The following ZNF536 variants were observed in gnomAD, a reference collection of about 807,000 sequenced individuals.
ZNF536 encodes the protein zinc finger protein 536.
ZNF536 carries 13 observed loss-of-function variants against 84.5 expected under a neutral mutation model. The observed-to-expected ratio is 0.15, with a 90% CI of 0.10 to 0.24. ZNF536 has a LOEUF of 0.24. ZNF536 is among the 10% of genes least tolerant of loss of function. The pLI is 1.00. For synonymous variants in ZNF536, 811 were observed against 742.5 expected (o/e 1.09, Z -1.50); for missense variants, 1,536 against 1,747.5 (o/e 0.88, Z 2.16).
chr19:30,494,952 G>GAAAAAAA (rs35362561), intron 2 of ZNF536, among the ~76,000 whole-genome samples: 1 of 89,130 alleles, frequency 1.1e-5, no homozygotes, highest in Non-Finnish European at 2.6e-5. Flanking sequence ...TCTCAAAAAA[G>GAAAAAAA]AAAAAAAAAA....
intron 3 of ZNF536, among the ~76,000 whole-genome samples, chr19:30,540,515 A>G (rs975402529): frequency 6.6e-6 from 1 of 152,058 alleles, no homozygotes; most frequent in Non-Finnish European, 1.5e-5. Flanking sequence ...ACTTTGCATT[A>G]ACTCGCTCCT....
rs1173469112 is a variant in ZNF536 at position 30,444,152 on chromosome 19, G to A, written c.590G>A (p.Arg197His). The stretch of plus-strand genomic sequence containing the variant: ...CGTGGGCGTGTGCGCGAGGAGAACC[G>A]CCTGCTGCACGAGCTGGAGGAGCGC... Reference protein sequence around the residue: ...KGRGRVREENRLLHELEERAI... With the variant: ...KGRGRVREENHLLHELEERAI... Residue 197 changes from arginine (R) to histidine (H), a missense_variant, in exon 2 of 5, where the codon CGC (arginine) becomes CAC (histidine). This residue lies in a region of ZNF536 where 138 missense variants were observed against 136.8 expected (regional missense o/e 1.01). Coordinates refer to ENST00000355537, the MANE Select transcript of ZNF536 (RefSeq NM_014717.3). 1.3e-6 allele frequency: 2 copies of A among 1,596,892 alleles called. No individual in the cohort carries two copies. Among genetic ancestry groups the A allele is most frequent in the Non-Finnish European group, 1.7e-6 (2 of 1,172,836 alleles).
chr19:30,247,309 A>G (rs920737614), intron 1 of ZNF536, among the ~76,000 whole-genome samples: 2 of 152,212 alleles, frequency 1.3e-5, no homozygotes, highest in African/African-American at 4.8e-5. Context: ...TATTACCTAC[A>G]TGGGATCTGT....
At chr19:30,622,929 G>A (rs2048534759) in intron 1 of ZNF536, among the ~76,000 whole-genome samples, 1 of 150,032 alleles carries the variant, frequency 6.7e-6, no homozygotes, top group African/African-American at 2.5e-5. Context: ...CTTGGACCCA[G>A]AACCCACTCC....
chr19:30,389,957 C>T (rs1600522050), intron 1 of ZNF536, among the ~76,000 whole-genome samples: 1 of 152,246 alleles, frequency 6.6e-6, no homozygotes, highest in Non-Finnish European at 1.5e-5. Flanking sequence ...TATGTTTTAC[C>T]TAAGATTTCT....
intron 2 of ZNF536, among the ~76,000 whole-genome samples, chr19:30,314,972 G>A (rs895462871): frequency 3.3e-5 from 5 of 152,218 alleles, no homozygotes; most frequent in East Asian, 3.9e-4. Context: ...ATGTCTCAGC[G>A]AGGCCTTTGT....
At chr19:30,712,958 G>T (rs547042483) in exon 2 of ZNF536, 1 of 147,010 alleles carries the variant, frequency 6.8e-6, no homozygotes, top group East Asian at 2.0e-4. Flanking sequence ...AAAAAAAAAA[G>T]AAAAAAGAAA....
At chr19:30,641,339 G>T (rs574504339) in intron 1 of ZNF536, among the ~76,000 whole-genome samples, 219 of 152,060 alleles carry the variant, frequency 1.4e-3, no homozygotes, top group African/African-American at 5.0e-3. Flanking sequence ...GAATGCCACA[G>T]TTTTAGTTTA....
At chr19:30,290,963 T>G (rs2045818848) in intron 2 of ZNF536, among the ~76,000 whole-genome samples, 1 of 152,182 alleles carries the variant, frequency 6.6e-6, no homozygotes, top group South Asian at 2.1e-4. Context: ...TCCTGTGTTG[T>G]TTGCTGAGAA....
chr19:30,424,798 G>A (rs913748179), intron 1 of ZNF536, among the ~76,000 whole-genome samples: 1 of 152,132 alleles, frequency 6.6e-6, no homozygotes, highest in East Asian at 1.9e-4. Context: ...TCAGACCCCT[G>A]GGCAAATGGC....
At chr19:30,380,253 A>G (rs959235743) in intron 1 of ZNF536, among the ~76,000 whole-genome samples, 24 of 151,926 alleles carry the variant, frequency 1.6e-4, no homozygotes, top group African/African-American at 5.6e-4. Flanking sequence ...AGACAATTGC[A>G]CCCCCTAATT....
chr19:30,264,966 T>TGAGAGAGAGAGAGA (rs142750589), intron 1 of ZNF536, among the ~76,000 whole-genome samples: 1 of 133,776 alleles, frequency 7.5e-6, no homozygotes, highest in African/African-American at 3.0e-5. Flanking sequence ...TGTGTGTGTG[T>TGAGAGAGAGAGAGA]GAGAGAGAGA....
chr19:30,256,091 T>C (rs912952536), intron 1 of ZNF536, among the ~76,000 whole-genome samples: 1 of 152,216 alleles, frequency 6.6e-6, no homozygotes, highest in Non-Finnish European at 1.5e-5. Flanking sequence ...CTCTCCTTTT[T>C]TCTTTCTCTC....
At chr19:30,240,924 T>C (rs1330681588) in intron 1 of ZNF536, among the ~76,000 whole-genome samples, 1 of 152,190 alleles carries the variant, frequency 6.6e-6, no homozygotes, top group African/African-American at 2.4e-5. Context: ...GCTTTGAGAT[T>C]TGGAACTGTT....
intron 1 of ZNF536, among the ~76,000 whole-genome samples, chr19:30,634,739 C>A (rs945213048): frequency 6.6e-6 from 1 of 152,076 alleles, no homozygotes; most frequent in East Asian, 1.9e-4. Flanking sequence ...TACAAACTCA[C>A]ACAATCCAAC....
intron 1 of ZNF536, among the ~76,000 whole-genome samples, chr19:30,238,267 G>T (rs1486855562): frequency 6.6e-6 from 1 of 152,038 alleles, no homozygotes; most frequent in African/African-American, 2.4e-5. Context: ...GGTCTTTGGG[G>T]TGATGTACCT....
At chr19:30,436,785 C>T (rs994065701) in intron 1 of ZNF536, among the ~76,000 whole-genome samples, 2 of 152,120 alleles carry the variant, frequency 1.3e-5, no homozygotes, top group Non-Finnish European at 2.9e-5. Flanking sequence ...CTGAGGGTCA[C>T]GTGAGCCTCC....
intron 1 of ZNF536, among the ~76,000 whole-genome samples, chr19:30,381,388 C>T (rs1438568627): frequency 6.6e-6 from 1 of 152,124 alleles, no homozygotes; most frequent in Non-Finnish European, 1.5e-5. Flanking sequence ...AGGATTATTC[C>T]CACTGGAAAA....
At chr19:30,687,055 G>A (rs936421622) in intron 1 of ZNF536, among the ~76,000 whole-genome samples, 3 of 152,214 alleles carry the variant, frequency 2.0e-5, no homozygotes, top group Non-Finnish European at 4.4e-5. Context: ...CTTCAGCGAG[G>A]AGATAGCAAG....
Sources: gnomAD v4.1 joint callset for allele counts (sites outside exome capture counted in the v4.1 genomes callset) on GRCh38, gnomAD v4.1.1 for gene constraint, gnomAD v4.1.1 regional missense constraint, MANE v1.5 for transcripts, NCBI Gene and HGNC (gene_info 2026-07-23, HGNC 2026-07-21) for gene names.